NUCB1: variants seen among roughly 807,000 people sequenced by gnomAD.
The protein encoded by NUCB1 is nucleobindin-1.
A neutral mutation model predicts 61.2 loss-of-function variants in NUCB1; 47 were observed. That is an observed-to-expected ratio of 0.77 (90% CI 0.61 to 0.98). The LOEUF (loss-of-function observed/expected upper bound fraction) is 0.98. Ranked by LOEUF, NUCB1 falls within the 50% of genes least tolerant of loss-of-function variation. The pLI, the probability that NUCB1 is intolerant of heterozygous loss-of-function variation, is 0.00. For missense variants in NUCB1, 583 were observed against 605.3 expected, an observed-to-expected ratio of 0.96 and a Z score of 0.39; for synonymous variants, 234 against 243.1, an observed-to-expected ratio of 0.96 and a Z score of 0.35.
chr19:48,916,474 G>T (rs754482492), intron 7 of NUCB1, among the ~76,000 whole-genome samples: 16 of 152,014 alleles, frequency 1.1e-4, no homozygotes, highest in Non-Finnish European at 2.2e-4. Flanking sequence ...ACAAAAATTA[G>T]CTGGGTGTGG....
rs958297086 is a variant in NUCB1 at position 48,900,573 on chromosome 19, T to C, written c.-12+201T>C. ...TTCCTGAGTGTGAGAGAGGAGCGTG[T>C]TGGGAGCCAGGACCCCTGGGTCTGA... On this transcript the variant is annotated intron_variant, in intron 1 of 12. Coordinates refer to ENST00000405315, the MANE Select transcript of NUCB1 (RefSeq NM_006184.6). The C allele has an allele frequency of 1.5e-5, 9 of 602,976 alleles. No homozygotes were observed. The Admixed American group carries it at 2.5e-4, about 17-fold the overall frequency. 37.4% of individuals were successfully genotyped at this position (602,976 alleles called of 1,614,324 possible).
At chr19:48,918,008 G>T (rs982274994) in intron 7 of NUCB1, among the ~76,000 whole-genome samples, 18 of 151,988 alleles carry the variant, frequency 1.2e-4, no homozygotes, top group Non-Finnish European at 5.9e-5. Context: ...TACTGTACTG[G>T]ACAGCGCAGA....
At chr19:48,910,270 G>A (rs1041149444) in intron 4 of NUCB1, among the ~76,000 whole-genome samples, 1 of 151,662 alleles carries the variant, frequency 6.6e-6, no homozygotes, top group African/African-American at 2.4e-5. Flanking sequence ...TAGAGATGGG[G>A]TTTCACCATG....
chr19:48,919,227 G>C lies in NUCB1; in HGVS notation c.943G>C (p.Glu315Gln). Residue 315 changes from glutamate to glutamine, a missense_variant, in exon 10 of 13, where the codon GAG becomes CAG. Physicochemically the swap from Glu to Gln is conservative, Grantham distance 29. Transcript: ENST00000405315. ...DTNQDRLVTL[E>Q]EFLASTQRKE... Reference sequence around the variant, plus strand: ...CAACCAGGACCGCCTCGTGACCCTGGAGGAGTTCCTCGCATCCACTCAGAG... The same window carrying C: ...CAACCAGGACCGCCTCGTGACCCTGCAGGAGTTCCTCGCATCCACTCAGAG... The C allele has an allele frequency of 6.2e-7, 1 of 1,614,020 alleles. No homozygotes were observed. The highest frequency in any genetic ancestry group is 2.2e-5 in the East Asian group (1 of 44,874).
At chr19:48,909,583 C>G (rs1409997595) in intron 4 of NUCB1, among the ~76,000 whole-genome samples, 1 of 152,066 alleles carries the variant, frequency 6.6e-6, no homozygotes, top group Non-Finnish European at 1.5e-5. Context: ...CTTCTATCCT[C>G]CAGGCTAGAG....
Position 48,900,906 on chromosome 19 carries a change from A to G in NUCB1, c.110A>G (p.Glu37Gly). 2 of 1,613,900 alleles carry G rather than the reference A, an allele frequency of 1.2e-6. No homozygotes were observed. The highest frequency in any genetic ancestry group is 2.2e-5 in the East Asian group (1 of 44,886). ...VPLERGAPNK[E>G]ETPATESPDT... ...CTGGAGCGAGGGGCGCCCAACAAGG[A>G]GGAGACCCCTGCGACTGAGAGTCCC... The change falls in exon 2 of 13, where the codon GAG becomes GGG. Residue 37 changes from glutamate (E) to glycine (G), a missense_variant. By Grantham distance (98) the Glu-to-Gly change is moderately conservative. Coordinates refer to ENST00000405315, the MANE Select transcript of NUCB1 (RefSeq NM_006184.6).
At chr19:48,903,728 G>A (rs1438015941) in intron 2 of NUCB1, among the ~76,000 whole-genome samples, 2 of 129,004 alleles carry the variant, frequency 1.6e-5, no homozygotes, top group Non-Finnish European at 3.3e-5. Flanking sequence ...ATGGATGGAT[G>A]AGTGGATGGA....
At chr19:48,911,020 T>G in intron 4 of NUCB1, 129 bp from the exon 5 acceptor site, 1 of 630,726 alleles carries the variant, frequency 1.6e-6, no homozygotes, top group East Asian at 2.8e-5. Flanking sequence ...CTTCCCTGAT[T>G]GCCCCAGGTT....
At chr19:48,903,812 G>C (rs976742279) in intron 2 of NUCB1, among the ~76,000 whole-genome samples, 7 of 149,316 alleles carry the variant, frequency 4.7e-5, no homozygotes, top group African/African-American at 1.7e-4. Flanking sequence ...ATGGATAGGT[G>C]GGTGGATGGA....
intron 7 of NUCB1, among the ~76,000 whole-genome samples, chr19:48,914,277 G>A (rs533183409): frequency 3.3e-5 from 5 of 151,730 alleles, no homozygotes; most frequent in African/African-American, 4.8e-5. Context: ...GCCCGGCCTC[G>A]AAAGCCCTTT....
chr19:48,912,949 C>T, intron 5 of NUCB1, 62 bp from the exon 6 acceptor site: 10 of 1,364,240 alleles, frequency 7.3e-6, no homozygotes, highest in Admixed American at 4.5e-5. Context: ...CTGCCATTTA[C>T]AGGCTGGAAT....
At chr19:48,911,835 G>A (rs2037477491) in intron 5 of NUCB1, among the ~76,000 whole-genome samples, 1 of 151,974 alleles carries the variant, frequency 6.6e-6, no homozygotes, top group Non-Finnish European at 1.5e-5. Context: ...AGTGTGGGGG[G>A]AGTATACTGT....
Position 48,913,524 on chromosome 19 carries a change from C to T in NUCB1, c.717C>T (p.Asp239=). The change falls in exon 7 of 13, where the codon GAC becomes GAT. Residue 239 remains aspartate, a synonymous_variant. Coordinates refer to ENST00000405315, the MANE Select transcript of NUCB1 (RefSeq NM_006184.6). ...TGTGGGAGGAGCTGGATGGACTGGA[C>T]CCCAACAGGTTTAACCCCAAGACCT... ...KEVWEELDGL[D]PNRFNPKTFF... is the part of the protein sequence containing the mutation. 6.2e-7 allele frequency: 1 copy of T among 1,614,132 alleles called. No homozygotes were observed. Among genetic ancestry groups the T allele is most frequent in the Non-Finnish European group, 8.5e-7 (1 of 1,180,008 alleles).
At chr19:48,915,223 A>C (rs1246038379) in intron 7 of NUCB1, among the ~76,000 whole-genome samples, 1 of 152,248 alleles carries the variant, frequency 6.6e-6, no homozygotes, top group South Asian at 2.1e-4. Flanking sequence ...TCACGCCTGT[A>C]ATCCCAACAC....
rs1350554254 is a variant in NUCB1, at chr19:48,911,215, C to T, written c.443C>T (p.Thr148Ile). The change falls in exon 5 of 13, where the codon ACA becomes ATA. Residue 148 changes from threonine to isoleucine, a missense_variant. Thr to Ile is a moderately conservative substitution (Grantham distance 89). Coordinates refer to ENST00000405315, the MANE Select transcript of NUCB1 (RefSeq NM_006184.6). ...CACCTGGACCCTCAGAACCAGCATA[C>T]ATTCGAGGCCCGCGACCTGGAGCTG... ...FEHLDPQNQH[T>I]FEARDLELLI... The T allele has an allele frequency of 6.2e-7, 1 of 1,613,726 alleles. No individual in the cohort carries two copies. The highest frequency in any genetic ancestry group is 1.7e-5 in the Admixed American group (1 of 59,940).
At position 48,900,355 on chromosome 19, in the gene NUCB1, C is replaced by T. The variant is rs2037340521; in HGVS notation, c.-29C>T. On this transcript the variant is annotated 5_prime_UTR_variant, in exon 1 of 13. Coordinates refer to ENST00000405315, the MANE Select transcript of NUCB1 (RefSeq NM_006184.6). The stretch of plus-strand genomic sequence containing the variant: ...GTCCTTGCCCGCCCTGGAAAACGCC[C>T]TCTGCGGTGAAGGAGAGGTGAGAGG... 2 of 168,218 alleles carry T rather than the reference C, an allele frequency of 1.2e-5. No individual in the cohort carries two copies. Among genetic ancestry groups the T allele is most frequent in the South Asian group, 1.5e-4 (1 of 6,870 alleles). The allele number at this position is 168,218 out of a possible 1,614,324, so 10.4% of individuals were successfully genotyped here.
intron 5 of NUCB1, among the ~76,000 whole-genome samples, 168 bp from the exon 6 acceptor site, chr19:48,912,843 C>CAAAAAA (rs5828367): frequency 1.0e-5 from 1 of 95,322 alleles, no homozygotes; most frequent in African/African-American, 4.1e-5. Context: ...GACTCCCTCT[C>CAAAAAA]AAAAAAAAAA....
At chr19:48,900,994 C>A in intron 2 of NUCB1, 63 bp downstream of exon 2, 1 of 1,594,742 alleles carries the variant, frequency 6.3e-7, no homozygotes, top group Non-Finnish European at 8.6e-7. Flanking sequence ...TCCTGCAGAC[C>A]CCGGTGCCCG....
intron 4 of NUCB1, among the ~76,000 whole-genome samples, chr19:48,910,383 T>C (rs1230631344): frequency 0.013 from 1 of 78 alleles, no homozygotes; most frequent in African/African-American, 0.042. Context: ...GCCTTGTTTG[T>C]TTTTTTTAAA....
Sources: allele counts gnomAD v4.1 joint callset (sites outside exome capture counted in the v4.1 genomes callset), GRCh38; gene constraint gnomAD v4.1.1; transcripts MANE v1.5; gene names NCBI Gene and HGNC (gene_info 2026-07-23, HGNC 2026-07-21).